Variants in HIPK3 observed in about 807,000 individuals in gnomAD.
HIPK3 encodes homeodomain-interacting protein kinase 3.
Under a neutral mutation model 124.2 loss-of-function variants are expected in HIPK3, and 47 were observed. That is an observed-to-expected ratio of 0.38 (90% confidence interval 0.30 to 0.48). The LOEUF (loss-of-function observed/expected upper bound fraction) is 0.48. HIPK3 is among the 20% of genes least tolerant of loss of function. The pLI is 0.98. For missense variants in HIPK3, 1,286 were observed against 1,454.3 expected (o/e 0.88, Z 1.88); for synonymous variants, 482 against 515.2 (o/e 0.94, Z 0.87).
At chr11:33,284,584 G>A (rs1304607531) in intron 1 of HIPK3, among the ~76,000 whole-genome samples, 1 of 152,204 alleles carries the variant, frequency 6.6e-6, no homozygotes, top group Admixed American at 6.5e-5. Flanking sequence ...ACTCAGGCCA[G>A]GAGTTGGAGG....
chr11:33,257,007 A>G (rs1274638461), upstream of HIPK3, among the ~76,000 whole-genome samples: 1 of 152,202 alleles, frequency 6.6e-6, no homozygotes, highest in East Asian at 1.9e-4. Flanking sequence ...AGGCCTGTAA[A>G]ATCCTGCTTC....
chr11:33,300,652 A>G (rs1851972815), intron 2 of HIPK3, among the ~76,000 whole-genome samples: 1 of 152,136 alleles, frequency 6.6e-6, no homozygotes. Flanking sequence ...TATTTGCTTT[A>G]TTGTGGTGGT....
rs772823226 is a variant in HIPK3 at position 33,352,249 on chromosome 11, A to G, written c.3155A>G (p.His1052Arg). Residue 1052 changes from histidine to arginine, a missense_variant, in exon 16 of 17, where the codon CAT becomes CGT. Around this residue, in one of 3 missense-constraint regions of HIPK3, gnomAD observed 810 missense variants for 864.9 expected, o/e 0.94. Coordinates refer to ENST00000303296, the MANE Select transcript of HIPK3 (RefSeq NM_005734.5). The part of the protein sequence containing the change: ...QKLTSAFQQQ[H>R]LNFSQVQHFG... ...TTGACATCAGCATTCCAGCAGCAGC[A>G]TTTGAACTTCAGTCAGGTATGTTCA... 11 of 1,613,938 alleles carry G rather than the reference A, an allele frequency of 6.8e-6. No individual in the cohort carries two copies. The highest frequency in any genetic ancestry group is 9.3e-6 in the Non-Finnish European group (11 of 1,179,954).
intron 2 of HIPK3, among the ~76,000 whole-genome samples, chr11:33,303,116 T>C (rs1169433610): frequency 2.0e-5 from 3 of 152,166 alleles, no homozygotes; most frequent in Non-Finnish European, 4.4e-5. Context: ...TCCCTTGATA[T>C]CTGAGGGATT....
intron 1 of HIPK3, among the ~76,000 whole-genome samples, chr11:33,259,115 T>A (rs1850756692): frequency 6.6e-6 from 1 of 152,216 alleles, no homozygotes; most frequent in African/African-American, 2.4e-5. Context: ...GTATTTGCTT[T>A]TAGCTGTAGC....
intron 1 of HIPK3, among the ~76,000 whole-genome samples, chr11:33,265,354 A>G (rs902844213): frequency 2.0e-5 from 3 of 152,234 alleles, no homozygotes; most frequent in African/African-American, 7.2e-5. Flanking sequence ...GGGTTCAAAA[A>G]TAGTGGATTT....
At chr11:33,350,288 G>C (rs1375701947) in intron 14 of HIPK3, among the ~76,000 whole-genome samples, 1 of 151,964 alleles carries the variant, frequency 6.6e-6, no homozygotes, top group African/African-American at 2.4e-5. Flanking sequence ...TATTAACCTG[G>C]CTTACCCATC....
intron 1 of HIPK3, among the ~76,000 whole-genome samples, chr11:33,266,257 C>A (rs191908306): frequency 7.3e-4 from 111 of 151,870 alleles, no homozygotes; most frequent in African/African-American, 2.6e-3. Context: ...TAGAAAAACA[C>A]TGCTTAAGAA....
At chr11:33,311,071 A>C (rs1261790242) in intron 2 of HIPK3, among the ~76,000 whole-genome samples, 2 of 152,018 alleles carry the variant, frequency 1.3e-5, no homozygotes, top group African/African-American at 4.8e-5. Flanking sequence ...ATTGTTGACT[A>C]CCTTAAGGAT....
intron 1 of HIPK3, among the ~76,000 whole-genome samples, chr11:33,273,015 A>G (rs1167049255): frequency 1.3e-5 from 2 of 150,434 alleles, no homozygotes; most frequent in Admixed American, 6.6e-5. Flanking sequence ...TTTTTTTTAA[A>G]TAGAGATGGG....
rs749208278 is a variant in HIPK3 at position 33,353,516 on chromosome 11, A to G, written c.3596A>G (p.Tyr1199Cys). ...TCTTACATTGCAGCATCACCTGCAT[A>G]TACTGGATTTCCACTGAGTCCAACA... is the stretch of plus-strand genomic sequence containing the variant. ...PHSYIAASPA[Y>C]TGFPLSPTKL... Residue 1199 changes from tyrosine to cysteine, a missense_variant, in exon 17 of 17, where the codon TAT becomes TGT. Physicochemically the swap from Tyr to Cys is radical, Grantham distance 194 (BLOSUM62 -2). Transcript: ENST00000303296. 3.7e-6 allele frequency: 6 copies of G among 1,613,862 alleles called. No individual in the cohort carries two copies. Among genetic ancestry groups the G allele is most frequent in the South Asian group, 2.2e-5 (2 of 91,088 alleles).
rs1853588475 is a variant in HIPK3 at position 33,349,253 on chromosome 11, C to G, written c.2773C>G (p.Gln925Glu). The G allele has an allele frequency of 6.2e-7, 1 of 1,613,628 alleles. No individual in the cohort carries two copies. The highest frequency in any genetic ancestry group is 1.3e-5 in the African/African-American group (1 of 74,916). ...DSTLSTSSSGQSSPSPCKRPN... is the reference protein window; with the variant it reads ...DSTLSTSSSGESSPSPCKRPN... The stretch of plus-strand genomic sequence containing the variant: ...TACTCTGAGTACCAGCTCCTCAGGG[C>G]AGTCCAGCCCATCCCCCTGCAAGAG... Residue 925 changes from glutamine (Q) to glutamate (E), a missense_variant, in exon 14 of 17, where the codon CAG becomes GAG. This residue lies in a region of HIPK3 where 810 missense variants were observed against 864.9 expected (regional missense o/e 0.94). Transcript: ENST00000303296.
chr11:33,276,349 A>G (rs1005795310), intron 1 of HIPK3, among the ~76,000 whole-genome samples: 3 of 152,332 alleles, frequency 2.0e-5, no homozygotes, highest in African/African-American at 7.2e-5. Context: ...GAATACTGCC[A>G]TTATTTTATA....
intron 2 of HIPK3, among the ~76,000 whole-genome samples, chr11:33,296,066 T>C (rs986567478): frequency 6.6e-6 from 1 of 151,936 alleles, no homozygotes; most frequent in Admixed American, 6.6e-5. Context: ...CAAGAAGAGC[T>C]TTTTTTCCCC....
At position 33,347,273 on chromosome 11, in the gene HIPK3, A is replaced by G. The variant is rs1162099465; in HGVS notation, c.1898-20A>G. On this transcript the variant is annotated intron_variant, in intron 8 of 16. Coordinates refer to ENST00000303296, the MANE Select transcript of HIPK3 (RefSeq NM_005734.5). ...AGAGGAAGATTTTTTCTTTTATTTGATAACTATTCTGTTTCACAGGTATTC... is the reference window on the plus strand; with the variant it reads ...AGAGGAAGATTTTTTCTTTTATTTGGTAACTATTCTGTTTCACAGGTATTC... The G allele has an allele frequency of 5.7e-6, 9 of 1,590,498 alleles. No individual in the cohort carries two copies. Among genetic ancestry groups the G allele is most frequent in the Non-Finnish European group, 7.7e-6 (9 of 1,168,212 alleles).
intron 4 of HIPK3, 59 bp downstream of exon 4, chr11:33,337,253 A>G (rs371928493): frequency 9.7e-7 from 1 of 1,030,412 alleles, no homozygotes; most frequent in Non-Finnish European, 1.4e-6. Flanking sequence ...CCTCATATGC[A>G]TGGATAATAC....
intron 1 of HIPK3, among the ~76,000 whole-genome samples, chr11:33,281,058 C>CTTTTT (rs56902582): frequency 0.011 from 1,195 of 111,534 alleles, 125 homozygotes; most frequent in Non-Finnish European, 0.014. Flanking sequence ...ACTTATTTGA[C>CTTTTT]TTTTTTTTTT....
In HIPK3 at chr11:33,352,134, C is replaced by T. The variant is rs766061798; in HGVS notation, c.3044-4C>T. The T allele has an allele frequency of 1.2e-6, 2 of 1,612,154 alleles. No homozygotes were observed. The highest frequency in any genetic ancestry group is 8.5e-7 in the Non-Finnish European group (1 of 1,178,694). The stretch of plus-strand genomic sequence containing the variant: ...AAACTCTTTAATATTTTATTCGTCG[C>T]CAGATTCTATATGCCAGCCATTAAT... On this transcript the variant is annotated splice_polypyrimidine_tract_variant and splice_region_variant and intron_variant, in intron 15 of 16. Coordinates refer to ENST00000303296, the MANE Select transcript of HIPK3 (RefSeq NM_005734.5).
intron 2 of HIPK3, among the ~76,000 whole-genome samples, chr11:33,294,500 T>C (rs1851787929): frequency 6.6e-6 from 1 of 152,224 alleles, no homozygotes; most frequent in African/African-American, 2.4e-5. Flanking sequence ...AGTGTACATT[T>C]CCTAAACATA....
Sources: allele counts gnomAD v4.1 joint callset (sites outside exome capture counted in the v4.1 genomes callset), GRCh38; gene constraint gnomAD v4.1.1; regional missense constraint gnomAD v4.1.1; transcripts MANE v1.5; gene names NCBI Gene and HGNC (gene_info 2026-07-23, HGNC 2026-07-21).